The following GCC1 variants were observed in gnomAD, a reference collection of about 807,000 sequenced individuals.
GCC1 encodes GRIP and coiled-coil domain containing 1.
A neutral mutation model predicts 62.5 loss-of-function variants in GCC1; 36 were observed. That is an observed-to-expected ratio of 0.58 (90% CI 0.44 to 0.76). The LOEUF is 0.76. Among genes scored for constraint, GCC1 ranks in the 30% least tolerant of loss-of-function variants. The pLI, the probability that GCC1 is intolerant of heterozygous loss-of-function variation, is 0.00. For synonymous variants in GCC1, 391 were observed against 386.8 expected, an observed-to-expected ratio of 1.01 and a Z score of -0.13; for missense variants, 885 against 948.3, an observed-to-expected ratio of 0.93 and a Z score of 0.88.
At position 127,582,210 on chromosome 7, in the gene GCC1, C is replaced by T; in HGVS notation, c.2132G>A (p.Arg711Lys). The change falls in exon 2 of 2, where the codon AGG (arginine) becomes AAG (lysine). Residue 711 changes from arginine (R) to lysine (K), a missense_variant. By Grantham distance (26) the Arg-to-Lys change is conservative. Coordinates refer to ENST00000321407, the MANE Select transcript of GCC1 (RefSeq NM_024523.6). The surrounding 1 kb of genome is among the most constrained non-coding windows in gnomAD (Gnocchi z 4.8). Reference protein sequence around the residue: ...ALQSHIEKNIRDQSREGANLE... With the variant: ...ALQSHIEKNIKDQSREGANLE... ...ATTGGCTCCCTCCCTGCTCTGGTCC[C>T]TGATGTTCTTTTCGATGTGGCTCTG... is the stretch of plus-strand genomic sequence containing the variant. The T allele has an allele frequency of 6.2e-7, 1 of 1,614,178 alleles. No homozygotes were observed.
At position 127,584,757 on chromosome 7, in the gene GCC1, A is replaced by C. The variant is rs770358676; in HGVS notation, c.426T>G (p.Ser142Arg). The C allele has an allele frequency of 3.1e-6, 5 of 1,614,014 alleles. No individual in the cohort carries two copies. Among genetic ancestry groups the C allele is most frequent in the Non-Finnish European group, 4.2e-6 (5 of 1,180,022 alleles). The stretch of plus-strand genomic sequence containing the variant: ...CTGCAAATGGCCCATCCCCACTGCT[A>C]CTGCTAACGCCACTCTCGGACCAAC... ...EASWSESGVS[S>R]SSGDGPFAGG... Residue 142 changes from serine (S) to arginine (R), a missense_variant, in exon 1 of 2, where the codon AGT becomes AGG. By Grantham distance (110) the Ser-to-Arg change is moderately radical. Coordinates refer to ENST00000321407, the MANE Select transcript of GCC1 (RefSeq NM_024523.6).
Position 127,584,540 on chromosome 7 carries a change from A to T in GCC1, c.643T>A (p.Leu215Met). ...EEERARLEGE[L>M]KGLQEQIAET... ...GCTATTTGCTCCTGCAGCCCCTTCA[A>T]TTCTCCCTCCAGGCGGGCCCTCTCC... is the stretch of plus-strand genomic sequence containing the variant. The change falls in exon 1 of 2, where the codon TTG becomes ATG. Residue 215 changes from leucine (L) to methionine (M), a missense_variant. Leu to Met is a conservative substitution (Grantham distance 15). Coordinates refer to ENST00000321407, the MANE Select transcript of GCC1 (RefSeq NM_024523.6). 6.2e-7 allele frequency: 1 copy of T among 1,613,384 alleles called. No homozygotes were observed. The highest frequency in any genetic ancestry group is 1.1e-5 in the South Asian group (1 of 91,036).
Position 127,585,287 on chromosome 7 carries a change from G to T in GCC1, c.-105C>A, listed in dbSNP as rs980152685. Reference sequence around the variant, plus strand: ...AGAAACAGCGAGCGGGCTGTCCGGCGGCGGGCCGCACACCTACTCCACCTA... The same window carrying T: ...AGAAACAGCGAGCGGGCTGTCCGGCTGCGGGCCGCACACCTACTCCACCTA... On this transcript the variant is annotated 5_prime_UTR_variant, in exon 1 of 2. Coordinates refer to ENST00000321407, the MANE Select transcript of GCC1 (RefSeq NM_024523.6). The T allele has an allele frequency of 1.8e-6, 2 of 1,129,450 alleles. No homozygotes were observed. The highest frequency in any genetic ancestry group is 2.5e-6 in the Non-Finnish European group (2 of 802,106). 70.0% of individuals were successfully genotyped at this position (1,129,450 alleles called of 1,614,324 possible). A position where few individuals can be genotyped will look rare whatever the true frequency, so the allele number is the denominator to read the frequency against.
Position 127,584,897 on chromosome 7 carries a change from C to T in GCC1, c.286G>A (p.Gly96Arg). 1.2e-6 allele frequency: 2 copies of T among 1,614,160 alleles called. No individual in the cohort carries two copies. The highest frequency in any genetic ancestry group is 1.1e-5 in the South Asian group (1 of 91,084). ...GCAGTATCCAAGCTAGTGGCGGTCC[C>T]AGTGCTATCCTCGCTGTGAGTGGAG... ...RCSTHSEDST[G>R]TATSLDTAAS... Residue 96 changes from glycine (G) to arginine (R), a missense_variant, in exon 1 of 2, where the codon GGG becomes AGG. Physicochemically the swap from Gly to Arg is moderately radical, Grantham distance 125. Transcript: ENST00000321407.
rs1794184067 is a variant in GCC1, at chr7:127,585,000, T to C, written c.183A>G (p.Val61=). 1 of 1,614,092 alleles carries C rather than the reference T, an allele frequency of 6.2e-7. No individual in the cohort carries two copies. Among genetic ancestry groups the C allele is most frequent in the Admixed American group, 1.7e-5 (1 of 60,008 alleles). The stretch of plus-strand genomic sequence containing the variant: ...CGAGGCCCACATCTGCCTCGTGGGA[T>C]ACCGACAGCACCTTGATGCTGGCCT... ...ALEASIKVLS[V]SHEADVGLAG... Residue 61 remains valine, a synonymous_variant, in exon 1 of 2, where the codon GTA becomes GTG. Coordinates refer to ENST00000321407, the MANE Select transcript of GCC1 (RefSeq NM_024523.6).
chr7:127,583,333 A>C (rs771608273), intron 1 of GCC1, 24 bp from the exon 2 acceptor site: 19 of 1,543,100 alleles, frequency 1.2e-5, no homozygotes, highest in Non-Finnish European at 1.7e-5. Context: ...GAACAGACAA[A>C]AATGCATCCA....
rs200076690 is a variant in GCC1 at position 127,583,201 on chromosome 7, C to T, written c.1141G>A (p.Glu381Lys). 6.2e-7 allele frequency: 1 copy of T among 1,613,946 alleles called. No individual in the cohort carries two copies. The highest frequency in any genetic ancestry group is 2.2e-5 in the East Asian group (1 of 44,856). Reference protein sequence around the residue: ...SEVSELLGTYEKAKQKDQLAI... With the variant: ...SEVSELLGTYKKAKQKDQLAI... Reference sequence around the variant, plus strand: ...AGCTGGTCCTTCTGCTTGGCTTTCTCGTAGGTGCCTAGCAGCTCAGACACC... The same window carrying T: ...AGCTGGTCCTTCTGCTTGGCTTTCTTGTAGGTGCCTAGCAGCTCAGACACC... Residue 381 changes from glutamate to lysine, a missense_variant, in exon 2 of 2, where the codon GAG becomes AAG. By Grantham distance (56) the Glu-to-Lys change is moderately conservative. Coordinates refer to ENST00000321407, the MANE Select transcript of GCC1 (RefSeq NM_024523.6).
intron 1 of GCC1, among the ~76,000 whole-genome samples, chr7:127,583,668 G>A (rs978818990): frequency 4.6e-5 from 7 of 152,030 alleles, no homozygotes; most frequent in Admixed American, 2.0e-4. Flanking sequence ...TCAAAACTGC[G>A]CTGGATCTCC....
Position 127,582,374 on chromosome 7 carries a change from G to C in GCC1, c.1968C>G (p.Tyr656Ter). 6.2e-7 allele frequency: 1 copy of C among 1,614,208 alleles called. No homozygotes were observed. Among genetic ancestry groups the C allele is most frequent in the Non-Finnish European group, 8.5e-7 (1 of 1,180,030 alleles). Residue 656 changes from tyrosine to a stop codon, truncating the protein, a stop_gained, in exon 2 of 2, where the codon TAC becomes TAG. Transcript: ENST00000321407. LOFTEE classifies it high-confidence loss of function. This position sits in a 1 kb window ranked among gnomAD's most constrained non-coding sequence, Gnocchi z 4.8. ...AAANEPTFFL[Y>*]AEQLARKEVE... is the part of the protein sequence containing the mutation. Reference sequence around the variant, plus strand: ...CCTCCTTGCGGGCCAGTTGCTCAGCGTACAGAAAGAAAGTGGGCTCATTGG... The same window carrying C: ...CCTCCTTGCGGGCCAGTTGCTCAGCCTACAGAAAGAAAGTGGGCTCATTGG...
At position 127,582,171 on chromosome 7, in the gene GCC1, T is replaced by C; in HGVS notation, c.2171A>G (p.Lys724Arg). 1.2e-6 allele frequency: 2 copies of C among 1,614,198 alleles called. No homozygotes were observed. Among genetic ancestry groups the C allele is most frequent in the Non-Finnish European group, 1.7e-6 (2 of 1,180,042 alleles). ...GGTCAGGAAGCGGTAGATGATGTTT[T>C]TGAGGTACTCCAGATTGGCTCCCTC... ...SREGANLEYL[K>R]NIIYRFLTLP... Residue 724 changes from lysine to arginine, a missense_variant, in exon 2 of 2, where the codon AAA becomes AGA. Lys to Arg is a conservative substitution (Grantham distance 26). Transcript: ENST00000321407. This position sits in a 1 kb window ranked among gnomAD's most constrained non-coding sequence, Gnocchi z 4.8.
Position 127,584,533 on chromosome 7 carries a change from C to T in GCC1, c.650G>A (p.Gly217Glu). Reference sequence around the variant, plus strand: ...GGTTTCTGCTATTTGCTCCTGCAGCCCCTTCAATTCTCCCTCCAGGCGGGC... The same window carrying T: ...GGTTTCTGCTATTTGCTCCTGCAGCTCCTTCAATTCTCCCTCCAGGCGGGC... ...ERARLEGELK[G>E]LQEQIAETKA... Residue 217 changes from glycine to glutamate, a missense_variant, in exon 1 of 2, where the codon GGG becomes GAG. Transcript: ENST00000321407. 6.2e-7 allele frequency: 1 copy of T among 1,614,040 alleles called. No individual in the cohort carries two copies. Among genetic ancestry groups the T allele is most frequent in the Admixed American group, 1.7e-5 (1 of 59,994 alleles).
chr7:127,584,942 C>T lies in GCC1; in HGVS notation c.241G>A (p.Asp81Asn). 1 of 1,614,162 alleles carries T rather than the reference C, an allele frequency of 6.2e-7. No individual in the cohort carries two copies. The highest frequency in any genetic ancestry group is 8.5e-7 in the Non-Finnish European group (1 of 1,180,032). The change falls in exon 1 of 2, where the codon GAC becomes AAC. Residue 81 changes from aspartate to asparagine, a missense_variant. Coordinates refer to ENST00000321407, the MANE Select transcript of GCC1 (RefSeq NM_024523.6). ...GTGGAGCACCGGTCATCCACAGAGT[C>T]AGGAAAGGTGAGGCCTGGAAGCTGG... ...GVQLPGLTFP[D>N]SVDDRCSTHS...
Position 127,581,954 on chromosome 7 carries a change from G to A in GCC1, c.*60C>T. 1 of 1,308,530 alleles carries A rather than the reference G, an allele frequency of 7.6e-7. No individual in the cohort carries two copies. Among genetic ancestry groups the A allele is most frequent in the South Asian group, 1.3e-5 (1 of 76,014 alleles). 81.1% of individuals were successfully genotyped at this position (1,308,530 alleles called of 1,614,324 possible). A position where few individuals can be genotyped will look rare whatever the true frequency, so the allele number is the denominator to read the frequency against. Reference sequence around the variant, plus strand: ...GTAAGAGAAGAGGCAGCAGAAACCAGAGCCTGCCCTTTCCCACATAAAAGA... The same window carrying A: ...GTAAGAGAAGAGGCAGCAGAAACCAAAGCCTGCCCTTTCCCACATAAAAGA... On this transcript the variant is annotated 3_prime_UTR_variant, in exon 2 of 2. Coordinates refer to ENST00000321407, the MANE Select transcript of GCC1 (RefSeq NM_024523.6).
intron 1 of GCC1, 83 bp downstream of exon 1, chr7:127,584,068 C>A: frequency 4.0e-6 from 5 of 1,253,732 alleles, no homozygotes; most frequent in Non-Finnish European, 5.6e-6. Flanking sequence ...ACACTTAGCT[C>A]TAACTAGCAA....
chr7:127,582,271 C>T lies in GCC1; in HGVS notation c.2071G>A (p.Glu691Lys). The change falls in exon 2 of 2, where the codon GAG (glutamate) becomes AAG (lysine). Residue 691 changes from glutamate to lysine, a missense_variant. Glu to Lys is a moderately conservative substitution (Grantham distance 56). Coordinates refer to ENST00000321407, the MANE Select transcript of GCC1 (RefSeq NM_024523.6). The surrounding 1 kb of genome is among the most constrained non-coding windows in gnomAD (Gnocchi z 4.8). ...VHQLQDRLLE[E>K]GERHREEVAA... ...ACCTCCTCACGATGCCGTTCGCCCT[C>T]CTCCAGCAGCCGATCCTGCAGCTGA... 6.2e-7 allele frequency: 1 copy of T among 1,614,234 alleles called. No homozygotes were observed. Among genetic ancestry groups the T allele is most frequent in the South Asian group, 1.1e-5 (1 of 91,086 alleles).
In GCC1 at chr7:127,585,271, G is replaced by A. The variant is rs969764303; in HGVS notation, c.-89C>T. On this transcript the variant is annotated 5_prime_UTR_variant, in exon 1 of 2. Transcript: ENST00000321407. ...GCAGGCGGGGGCTTAAAGAAACAGC[G>A]AGCGGGCTGTCCGGCGGCGGGCCGC... The A allele has an allele frequency of 2.3e-6, 3 of 1,280,004 alleles. No homozygotes were observed. The highest frequency in any genetic ancestry group is 2.3e-5 in the East Asian group (1 of 42,678). The allele number at this position is 1,280,004 out of a possible 1,614,324, so 79.3% of individuals were successfully genotyped here.
Position 127,582,003 on chromosome 7 carries a change from TG to T in GCC1, c.*10del. Reference sequence around the variant, plus strand: ...GAGGCACAGAAATTCCAGGAATTCATGAAAATGGCATCATCTCTTGCCAGAA... The same window carrying T: ...GAGGCACAGAAATTCCAGGAATTCATAAAATGGCATCATCTCTTGCCAGAA... On this transcript the variant is annotated 3_prime_UTR_variant, in exon 2 of 2. Transcript: ENST00000321407. This position sits in a 1 kb window ranked among gnomAD's most constrained non-coding sequence, Gnocchi z 4.8. 6.3e-7 allele frequency: 1 copy of T among 1,595,838 alleles called. No homozygotes were observed. Among genetic ancestry groups the T allele is most frequent in the Non-Finnish European group, 8.6e-7 (1 of 1,167,354 alleles).
Position 127,582,608 on chromosome 7 carries a change from T to C in GCC1, c.1734A>G (p.Thr578=), listed in dbSNP as rs201063771. The change falls in exon 2 of 2, where the codon ACA becomes ACG. Residue 578 remains threonine, a synonymous_variant. Transcript: ENST00000321407. The surrounding 1 kb of genome is among the most constrained non-coding windows in gnomAD (Gnocchi z 4.8). ...TGTGCAGCTCCTCCTCCAGTTTCAG[T>C]GTGCGGTCCCTGAAGTCCAGCTGGC... is the stretch of plus-strand genomic sequence containing the variant. ...ERCQLDFRDR[T]LKLEEELHKQ... is the part of the protein sequence containing the mutation. 10 of 1,612,682 alleles carry C rather than the reference T, an allele frequency of 6.2e-6. No individual in the cohort carries two copies. The East Asian group carries it at 1.3e-4, about 22-fold the overall frequency.
chr7:127,583,152 C>T lies in GCC1; in HGVS notation c.1190G>A (p.Arg397His), dbSNP rs768122012. The part of the protein sequence containing the change: ...DQLAIQKLKE[R>H]ILQLDLENKT... ...GTTCTCCAGGTCCAGCTGCAGAATG[C>T]GCTCCTTCAGCTTCTGAATGGCCAG... is the stretch of plus-strand genomic sequence containing the variant. The change falls in exon 2 of 2, where the codon CGC (arginine) becomes CAC (histidine). Residue 397 changes from arginine (R) to histidine (H), a missense_variant. Physicochemically the swap from Arg to His is conservative, Grantham distance 29 (BLOSUM62 0). Transcript: ENST00000321407. 11 of 1,613,900 alleles carry T rather than the reference C, an allele frequency of 6.8e-6. No homozygotes were observed. Among genetic ancestry groups the T allele is most frequent in the Non-Finnish European group, 9.3e-6 (11 of 1,180,034 alleles).
Sources: gnomAD v4.1 joint callset for allele counts (sites outside exome capture counted in the v4.1 genomes callset) on GRCh38, gnomAD v4.1.1 for gene constraint, Gnocchi (gnomAD v3.1) non-coding constraint, MANE v1.5 for transcripts, NCBI Gene and HGNC (gene_info 2026-07-23, HGNC 2026-07-21) for gene names.